The following DCLK1 variants were observed in gnomAD, a reference collection of about 807,000 sequenced individuals.
The protein encoded by DCLK1 is serine/threonine-protein kinase DCLK1.
Under a neutral mutation model 86.2 loss-of-function variants are expected in DCLK1, and 16 were observed. The ratio of observed to expected loss-of-function variants is 0.19; its 90% CI spans 0.13 to 0.28. The LOEUF is 0.28. DCLK1 is among the 10% of genes least tolerant of loss of function. The probability of loss-of-function intolerance (pLI) is 1.00; values close to 1 mark genes in which losing one functional copy is unlikely to be tolerated. For missense variants in DCLK1, 590 were observed against 940.2 expected (o/e 0.63, Z 4.87); for synonymous variants, 369 against 370.5 (o/e 1.00, Z 0.05).
At chr13:35,918,263 T>C (rs1031350148) in intron 4 of DCLK1, among the ~76,000 whole-genome samples, 1 of 152,184 alleles carries the variant, frequency 6.6e-6, no homozygotes, top group Non-Finnish European at 1.5e-5. Context: ...ATAAATTGCA[T>C]CAAAGTTTGT....
At chr13:35,871,123 T>A (rs1872244386) in intron 5 of DCLK1, 101 bp downstream of exon 5, 6 of 936,308 alleles carry the variant, frequency 6.4e-6, no homozygotes, top group Admixed American at 2.2e-5. Context: ...AACCGGAACC[T>A]ACACTCGCTT....
chr13:35,964,418 T>G (rs1189313586), intron 3 of DCLK1, among the ~76,000 whole-genome samples: 1 of 152,238 alleles, frequency 6.6e-6, no homozygotes, highest in African/African-American at 2.4e-5. Context: ...GGATTTAAGA[T>G]TTCATAGGCA....
intron 3 of DCLK1, among the ~76,000 whole-genome samples, chr13:35,998,653 T>A (rs1880579802): frequency 6.6e-6 from 1 of 152,118 alleles, no homozygotes; most frequent in Non-Finnish European, 1.5e-5. Context: ...AGAAACTCAC[T>A]ATCATGCGCA....
chr13:35,946,611 T>C (rs917270371), intron 4 of DCLK1, among the ~76,000 whole-genome samples: 3 of 152,142 alleles, frequency 2.0e-5, no homozygotes, highest in Non-Finnish European at 4.4e-5. Flanking sequence ...AGAATTTGGG[T>C]TGTCAGTAAA....
intron 3 of DCLK1, among the ~76,000 whole-genome samples, chr13:36,067,077 T>G (rs1015632795): frequency 1.8e-4 from 26 of 142,612 alleles, no homozygotes; most frequent in South Asian, 1.3e-3. Context: ...CAAAGGACTA[T>G]AAATCATGCT....
At chr13:36,106,779 C>T (rs146798445) in intron 3 of DCLK1, among the ~76,000 whole-genome samples, 72 of 152,276 alleles carry the variant, frequency 4.7e-4, no homozygotes, top group Admixed American at 3.5e-3. Flanking sequence ...TGTCTGGAAA[C>T]CTCTAGTTTC....
Position 35,854,539 on chromosome 13 carries a change from C to G in DCLK1, c.995G>C (p.Ser332Thr). The part of the protein sequence containing the change: ...LSTPRSGKSP[S>T]PSPTSPGSLR... ...GCTTCCTGGGCTGGTGGGTGATGGGCTTGGCGACTTGCCTGAGCGCGGAGT... is the reference window on the plus strand; with the variant it reads ...GCTTCCTGGGCTGGTGGGTGATGGGGTTGGCGACTTGCCTGAGCGCGGAGT... Residue 332 changes from serine to threonine, a missense_variant, in exon 6 of 17, where the codon AGC becomes ACC. Around this residue, in one of 6 missense-constraint regions of DCLK1, gnomAD observed 63 missense variants for 64.3 expected, o/e 0.98. Transcript: ENST00000360631. The G allele has an allele frequency of 6.2e-7, 1 of 1,607,160 alleles. No homozygotes were observed. The highest frequency in any genetic ancestry group is 1.1e-5 in the South Asian group (1 of 89,792).
chr13:35,784,742 C>T (rs1289044259), intron 16 of DCLK1, among the ~76,000 whole-genome samples: 2 of 152,026 alleles, frequency 1.3e-5, no homozygotes, highest in African/African-American at 4.8e-5. Flanking sequence ...TCTGGCTGTC[C>T]CCGGGGACAG....
chr13:36,026,244 C>T (rs569370770), intron 3 of DCLK1, among the ~76,000 whole-genome samples: 97 of 152,210 alleles, frequency 6.4e-4, no homozygotes, highest in African/African-American at 2.2e-3. Context: ...CACTTGTCAG[C>T]TTTTTTAAAG....
chr13:36,058,789 T>C (rs1291209390), intron 3 of DCLK1, among the ~76,000 whole-genome samples: 1 of 152,196 alleles, frequency 6.6e-6, no homozygotes, highest in Non-Finnish European at 1.5e-5. Context: ...ATGTTGAATT[T>C]GGCATCCAGG....
chr13:35,945,383 G>A (rs769482489), intron 4 of DCLK1, among the ~76,000 whole-genome samples: 10 of 152,170 alleles, frequency 6.6e-5, no homozygotes, highest in African/African-American at 9.7e-5. Flanking sequence ...CTGTTGCGGA[G>A]GGGAAGCCCA....
chr13:35,940,020 T>C (rs946500432), intron 4 of DCLK1, among the ~76,000 whole-genome samples: 4 of 152,114 alleles, frequency 2.6e-5, no homozygotes, highest in Admixed American at 2.6e-4. Flanking sequence ...AACGTCTGTA[T>C]GGATAGCCTG....
chr13:35,779,676 A>G (rs986426109), intron 16 of DCLK1, among the ~76,000 whole-genome samples: 23 of 152,220 alleles, frequency 1.5e-4, no homozygotes, highest in Admixed American at 1.0e-3. Flanking sequence ...TTCAAATATG[A>G]CCAAATTCTT....
At position 36,126,041 on chromosome 13, in the gene DCLK1, G is replaced by C; in HGVS notation, c.97C>G (p.Pro33Ala). The change falls in exon 2 of 17, where the codon CCG becomes GCG. Residue 33 changes from proline to alanine, a missense_variant. Physicochemically the swap from Pro to Ala is conservative, Grantham distance 27. Around this residue, in one of 6 missense-constraint regions of DCLK1, gnomAD observed 50 missense variants for 47.8 expected, o/e 1.05. Coordinates refer to ENST00000360631, the MANE Select transcript of DCLK1 (RefSeq NM_001330071.2). ...AAGCTGCAGTGGGCGCTGTGCGTCG[G>C]GCTCGGCAGGCCGTTCACCCGCGAC... ...RGSRVNGLPS[P>A]THSAHCSFYR... is the part of the protein sequence containing the mutation. The C allele has an allele frequency of 1.2e-6, 2 of 1,613,674 alleles. No individual in the cohort carries two copies. Among genetic ancestry groups the C allele is most frequent in the Non-Finnish European group, 1.7e-6 (2 of 1,180,008 alleles).
intron 3 of DCLK1, among the ~76,000 whole-genome samples, chr13:35,972,226 T>C (rs776522103): frequency 6.6e-6 from 1 of 152,170 alleles, no homozygotes; most frequent in Non-Finnish European, 1.5e-5. Context: ...CAGCAAGTTC[T>C]TTCCTCATGT....
chr13:35,812,132 A>G (rs2087159418), intron 11 of DCLK1, among the ~76,000 whole-genome samples: 1 of 152,206 alleles, frequency 6.6e-6, no homozygotes, highest in East Asian at 1.9e-4. Context: ...GCAAGTATTT[A>G]TACTCCTTTA....
At chr13:35,972,620 T>G (rs1445563093) in intron 3 of DCLK1, among the ~76,000 whole-genome samples, 1 of 151,770 alleles carries the variant, frequency 6.6e-6, no homozygotes, top group Non-Finnish European at 1.5e-5. Flanking sequence ...AGTGGCATGT[T>G]AGAGAGGTAG....
At chr13:36,069,634 C>T (rs559612760) in intron 3 of DCLK1, among the ~76,000 whole-genome samples, 78 of 152,304 alleles carry the variant, frequency 5.1e-4, no homozygotes, top group Admixed American at 9.8e-4. Context: ...GTCAGGTCAT[C>T]TTTCCCAGAG....
intron 5 of DCLK1, among the ~76,000 whole-genome samples, chr13:35,856,756 C>T (rs1350890338): frequency 6.6e-6 from 1 of 152,176 alleles, no homozygotes; most frequent in Non-Finnish European, 1.5e-5. Context: ...ATGCACCAGT[C>T]AATGCACTTA....
Sources: gnomAD v4.1 joint callset for allele counts (sites outside exome capture counted in the v4.1 genomes callset) on GRCh38, gnomAD v4.1.1 for gene constraint, gnomAD v4.1.1 regional missense constraint, MANE v1.5 for transcripts, NCBI Gene and HGNC (gene_info 2026-07-23, HGNC 2026-07-21) for gene names.